The following PSD3 variants were observed in gnomAD, a reference collection of about 807,000 sequenced individuals.
PSD3 encodes the protein pleckstrin and Sec7 domain containing 3.
In PSD3, 49 loss-of-function variants were observed where a neutral mutation model predicts 105.5. The observed-to-expected ratio is 0.46, with a 90% CI of 0.37 to 0.59. PSD3 has a LOEUF of 0.59. Among genes scored for constraint, PSD3 ranks in the 20% least tolerant of loss-of-function variants. PSD3 has a pLI of 0.00. For missense variants in PSD3, 1,561 were observed against 1,263.8 expected, an observed-to-expected ratio of 1.24 and a Z score of -3.57; for synonymous variants, 557 against 457.8, an observed-to-expected ratio of 1.22 and a Z score of -2.77.
chr8:18,641,603 A>G (rs919292809), intron 10 of PSD3, among the ~76,000 whole-genome samples: 51 of 152,320 alleles, frequency 3.3e-4, no homozygotes, highest in East Asian at 2.1e-3. Flanking sequence ...TGGTTGTTAC[A>G]CAAGTGTGCA....
At chr8:19,059,350 T>C (rs146382606) in intron 1 of PSD3, among the ~76,000 whole-genome samples, 1 of 152,158 alleles carries the variant, frequency 6.6e-6, no homozygotes, top group East Asian at 1.9e-4. Flanking sequence ...TCTCTGTTGC[T>C]ACTTCTGCGG....
chr8:18,753,706 T>A (rs1011099677), intron 9 of PSD3, among the ~76,000 whole-genome samples: 3 of 152,138 alleles, frequency 2.0e-5, no homozygotes, highest in Non-Finnish European at 4.4e-5. Flanking sequence ...TTGAAGGTAA[T>A]TTCTTTAAAT....
At chr8:19,048,598 T>C (rs943884552) in intron 1 of PSD3, among the ~76,000 whole-genome samples, 5 of 152,170 alleles carry the variant, frequency 3.3e-5, no homozygotes, top group Non-Finnish European at 5.9e-5. Context: ...GTTATCAAGA[T>C]GGCCAATAAA....
At chr8:18,999,630 C>T (rs767571111) in intron 1 of PSD3, among the ~76,000 whole-genome samples, 1 of 151,756 alleles carries the variant, frequency 6.6e-6, no homozygotes, top group Non-Finnish European at 1.5e-5. Context: ...ATTCTACTGA[C>T]AAATTTTTTA....
intron 4 of PSD3, among the ~76,000 whole-genome samples, chr8:18,842,594 G>A (rs1043873571): frequency 1.1e-4 from 17 of 152,056 alleles, no homozygotes; most frequent in East Asian, 3.9e-4. Flanking sequence ...TTAGCCGGGC[G>A]TGGTGGGAGG....
chr8:19,034,951 T>A (rs904629933), intron 1 of PSD3, among the ~76,000 whole-genome samples: 1 of 152,146 alleles, frequency 6.6e-6, no homozygotes, highest in African/African-American at 2.4e-5. Flanking sequence ...CAGAGGCAAA[T>A]TTTTTTGAGG....
At chr8:18,692,261 A>C (rs912720906) in intron 9 of PSD3, among the ~76,000 whole-genome samples, 1 of 152,232 alleles carries the variant, frequency 6.6e-6, no homozygotes, top group African/African-American at 2.4e-5. Flanking sequence ...ACTGAGATAG[A>C]CATTAATCAA....
chr8:18,662,307 T>C (rs1163794953), intron 9 of PSD3, among the ~76,000 whole-genome samples: 2 of 152,324 alleles, frequency 1.3e-5, no homozygotes, highest in Middle Eastern at 3.4e-3. Context: ...TACAGATGAA[T>C]CTGTTCTGTC....
chr8:18,829,495 T>A (rs1813507983), intron 4 of PSD3, among the ~76,000 whole-genome samples: 2 of 152,208 alleles, frequency 1.3e-5, no homozygotes, highest in Admixed American at 1.3e-4. Context: ...CGCCCTAGCA[T>A]GCTGTTCCAG....
intron 9 of PSD3, among the ~76,000 whole-genome samples, chr8:18,742,145 A>T (rs1804625287): frequency 6.6e-6 from 1 of 152,238 alleles, no homozygotes; most frequent in South Asian, 2.1e-4. Context: ...AGAACAGAAG[A>T]AAGTTTCACC....
chr8:18,982,217 G>A (rs1825282554), intron 1 of PSD3, among the ~76,000 whole-genome samples: 1 of 152,148 alleles, frequency 6.6e-6, no homozygotes, highest in Non-Finnish European at 1.5e-5. Flanking sequence ...TCCACTAATG[G>A]TGCATCCTGG....
intron 14 of PSD3, among the ~76,000 whole-genome samples, chr8:18,570,915 A>G (rs1802095913): frequency 6.6e-6 from 1 of 151,574 alleles, no homozygotes; most frequent in African/African-American, 2.4e-5. Flanking sequence ...GCTGGAATGC[A>G]GTGGCATGAT....
chr8:18,699,510 T>C (rs1468173674), intron 9 of PSD3, among the ~76,000 whole-genome samples: 2 of 152,168 alleles, frequency 1.3e-5, no homozygotes, highest in East Asian at 1.9e-4. Flanking sequence ...TAACAATTCA[T>C]AGAGTGTAGT....
At chr8:18,684,708 T>G (rs1585613357) in intron 9 of PSD3, among the ~76,000 whole-genome samples, 2 of 152,202 alleles carry the variant, frequency 1.3e-5, no homozygotes, top group South Asian at 4.1e-4. Flanking sequence ...AGAATAAAGA[T>G]GTTCTGTTAC....
At chr8:19,053,626 C>A (rs1341460861) in intron 1 of PSD3, among the ~76,000 whole-genome samples, 1 of 151,840 alleles carries the variant, frequency 6.6e-6, no homozygotes, top group African/African-American at 2.4e-5. Context: ...CCCGTCTCTA[C>A]TAAAAATACA....
chr8:18,575,001 GT>G, intron 13 of PSD3, 126 bp downstream of exon 13: 1 of 892,214 alleles, frequency 1.1e-6, no homozygotes, highest in Non-Finnish European at 1.6e-6. Context: ...TTTCTCTAAT[GT>G]AAGCAGTTGA....
At chr8:18,992,937 C>A (rs1353214359) in intron 1 of PSD3, among the ~76,000 whole-genome samples, 2 of 152,134 alleles carry the variant, frequency 1.3e-5, no homozygotes, top group Non-Finnish European at 2.9e-5. Context: ...ATAATTATTT[C>A]TATCATAAAA....
intron 9 of PSD3, among the ~76,000 whole-genome samples, chr8:18,657,435 G>A (rs990153055): frequency 2.0e-5 from 3 of 152,152 alleles, no homozygotes; most frequent in African/African-American, 7.2e-5. Context: ...AAATATTACA[G>A]TAGCTAATAA....
At chr8:18,606,235 G>A (rs1043459366) in intron 11 of PSD3, among the ~76,000 whole-genome samples, 1 of 151,918 alleles carries the variant, frequency 6.6e-6, no homozygotes, top group Non-Finnish European at 1.5e-5. Flanking sequence ...CATTCCACTT[G>A]TGACTTATTC....
Sources: gnomAD v4.1 joint callset for allele counts (sites outside exome capture counted in the v4.1 genomes callset) on GRCh38, gnomAD v4.1.1 for gene constraint, MANE v1.5 for transcripts, NCBI Gene and HGNC (gene_info 2026-07-23, HGNC 2026-07-21) for gene names.